The following SCHIP1 variants were observed in gnomAD, a reference collection of about 807,000 sequenced individuals.
SCHIP1 encodes the protein schwannomin-interacting protein 1.
A neutral mutation model predicts 29.7 loss-of-function variants in SCHIP1; 8 were observed. The observed-to-expected ratio is 0.27, with a 90% CI of 0.16 to 0.49. The LOEUF (loss-of-function observed/expected upper bound fraction) is 0.49. Ranked by LOEUF, SCHIP1 falls within the 20% of genes least tolerant of loss-of-function variation. The pLI, the probability that SCHIP1 is intolerant of heterozygous loss-of-function variation, is 0.99. For missense variants in SCHIP1, 193 were observed against 294.6 expected (o/e 0.66, Z 2.52); for synonymous variants, 76 against 94.9 (o/e 0.80, Z 1.16).
the SCHIP1 span, among the ~76,000 whole-genome samples, chr3:159,633,835 G>T: frequency 6.6e-6 from 1 of 152,136 alleles, no homozygotes; most frequent in African/African-American, 2.4e-5. Context: ...TCAGATATCT[G>T]ATGTGATGAA....
the SCHIP1 span, among the ~76,000 whole-genome samples, chr3:159,429,315 G>A: frequency 6.6e-6 from 1 of 151,290 alleles, no homozygotes; most frequent in African/African-American, 2.4e-5. Context: ...GGTTTTCATA[G>A]GGTCCCCTAC....
At chr3:159,696,785 C>G in the SCHIP1 span, among the ~76,000 whole-genome samples, 2 of 152,222 alleles carry the variant, frequency 1.3e-5, no homozygotes, top group Middle Eastern at 3.4e-3. Flanking sequence ...TTTGGTTGAG[C>G]CTGAGGTATG....
chr3:159,678,349 C>G, the SCHIP1 span, among the ~76,000 whole-genome samples: 9 of 152,046 alleles, frequency 5.9e-5, no homozygotes, highest in Non-Finnish European at 1.0e-4. Flanking sequence ...ATTGATAGTC[C>G]CCTTCTTACT....
At chr3:159,535,821 G>T in the SCHIP1 span, among the ~76,000 whole-genome samples, 2 of 152,130 alleles carry the variant, frequency 1.3e-5, no homozygotes, top group East Asian at 3.8e-4. Context: ...TTATTTGTGT[G>T]TGTGTCTGTG....
At chr3:159,297,227 T>C in the SCHIP1 span, among the ~76,000 whole-genome samples, 1 of 151,962 alleles carries the variant, frequency 6.6e-6, no homozygotes, top group East Asian at 1.9e-4. Context: ...ACTTCCATAG[T>C]GTGGCTGTTG....
the SCHIP1 span, among the ~76,000 whole-genome samples, chr3:159,806,437 A>G: frequency 6.6e-6 from 1 of 152,350 alleles, no homozygotes; most frequent in East Asian, 1.9e-4. Context: ...TAATTATAAT[A>G]TAGAATGACT....
the SCHIP1 span, among the ~76,000 whole-genome samples, chr3:159,528,752 A>T: frequency 6.6e-6 from 1 of 152,242 alleles, no homozygotes; most frequent in Non-Finnish European, 1.5e-5. Context: ...TGGCAAAAGG[A>T]TGGATCACTG....
the SCHIP1 span, among the ~76,000 whole-genome samples, chr3:159,340,703 C>A: frequency 3.3e-5 from 5 of 152,090 alleles, no homozygotes; most frequent in Non-Finnish European, 7.4e-5. Flanking sequence ...AGCCTCCAGG[C>A]CATCCTGGAG....
chr3:159,863,596 A>G (rs1244326428), intron 1 of SCHIP1, among the ~76,000 whole-genome samples: 1 of 152,240 alleles, frequency 6.6e-6, no homozygotes, highest in African/African-American at 2.4e-5. Context: ...AAGGAAAATA[A>G]TGCACACATA....
chr3:159,352,521 A>G, the SCHIP1 span, among the ~76,000 whole-genome samples: 2 of 152,330 alleles, frequency 1.3e-5, no homozygotes, highest in East Asian at 3.9e-4. Flanking sequence ...CAGCAGTATA[A>G]TCCAGCAACT....
the SCHIP1 span, among the ~76,000 whole-genome samples, chr3:159,723,200 A>T: frequency 6.6e-6 from 1 of 152,342 alleles, no homozygotes; most frequent in African/African-American, 2.4e-5. Flanking sequence ...TGTTTTTCTT[A>T]TCAAAATACT....
the SCHIP1 span, among the ~76,000 whole-genome samples, chr3:159,412,470 G>C: frequency 6.6e-6 from 1 of 152,170 alleles, no homozygotes; most frequent in Non-Finnish European, 1.5e-5. Context: ...TACACAGCAA[G>C]AATTTTAACA....
chr3:159,488,636 G>A, the SCHIP1 span, among the ~76,000 whole-genome samples: 2 of 152,226 alleles, frequency 1.3e-5, no homozygotes, highest in East Asian at 1.9e-4. Context: ...AGACATCTGG[G>A]GAGAAATTGC....
chr3:159,601,023 G>T, the SCHIP1 span, among the ~76,000 whole-genome samples: 1 of 152,214 alleles, frequency 6.6e-6, no homozygotes, highest in African/African-American at 2.4e-5. Context: ...AGCCAGGTGG[G>T]CCAGTCTTTG....
At chr3:159,579,360 G>C in the SCHIP1 span, among the ~76,000 whole-genome samples, 1 of 152,200 alleles carries the variant, frequency 6.6e-6, no homozygotes, top group African/African-American at 2.4e-5. Context: ...GGGCAGAAGA[G>C]TCAAAATCTA....
the SCHIP1 span, among the ~76,000 whole-genome samples, chr3:159,540,343 C>T: frequency 6.6e-6 from 1 of 152,040 alleles, no homozygotes; most frequent in Non-Finnish European, 1.5e-5. Context: ...TAGTGCACTT[C>T]TCCAGCAATG....
chr3:159,702,507 G>T, the SCHIP1 span, among the ~76,000 whole-genome samples: 1 of 152,132 alleles, frequency 6.6e-6, no homozygotes, highest in African/African-American at 2.4e-5. Flanking sequence ...AGACCCTCTG[G>T]CCATCTCTTT....
the SCHIP1 span, among the ~76,000 whole-genome samples, chr3:159,771,566 T>C: frequency 6.6e-6 from 1 of 152,210 alleles, no homozygotes. Context: ...TCTAGTACTA[T>C]AATGAAAAGT....
intron 5 of SCHIP1, among the ~76,000 whole-genome samples, chr3:159,890,934 T>A (rs554259684): frequency 6.6e-6 from 1 of 152,314 alleles, no homozygotes; most frequent in South Asian, 2.1e-4. Context: ...TCTTGCTAAA[T>A]GGGTACTCTC....
Sources: allele counts gnomAD v4.1 joint callset (sites outside exome capture counted in the v4.1 genomes callset), GRCh38; gene constraint gnomAD v4.1.1; transcripts MANE v1.5; gene names NCBI Gene and HGNC (gene_info 2026-07-23, HGNC 2026-07-21).